CCDC141: variants seen among roughly 807,000 people sequenced by gnomAD.
The protein encoded by CCDC141 is coiled-coil domain containing 141, also known as coiled-coil domain-containing protein 141.
A neutral mutation model predicts 181.0 loss-of-function variants in CCDC141; 168 were observed. That is an observed-to-expected ratio of 0.93 (90% CI 0.82 to 1.05). CCDC141 has a LOEUF of 1.05. CCDC141 is among the 50% of genes least tolerant of loss of function. The probability of loss-of-function intolerance (pLI) is 0.00; values close to 1 mark genes in which losing one functional copy is unlikely to be tolerated. For missense variants in CCDC141, 1,902 were observed against 1,788.5 expected, an observed-to-expected ratio of 1.06 and a Z score of -1.14; for synonymous variants, 666 against 642.3, an observed-to-expected ratio of 1.04 and a Z score of -0.56.
At chr2:178,878,291 A>AT (rs201082309) in intron 11 of CCDC141, 148 bp from the exon 12 acceptor site, 3,856 of 223,228 alleles carry the variant, frequency 0.017, 69 homozygotes, top group Admixed American at 0.036. Context: ...TTATTTATTT[A>AT]TTTATTTATT....
chr2:179,018,246 T>G (rs940117780), intron 2 of CCDC141, among the ~76,000 whole-genome samples: 1 of 152,102 alleles, frequency 6.6e-6, no homozygotes, highest in Admixed American at 6.6e-5. Context: ...GTCCCCTGAA[T>G]AGCAATTTTC....
intron 5 of CCDC141, among the ~76,000 whole-genome samples, chr2:178,957,720 ATATT>A (rs1320695937): frequency 6.6e-6 from 1 of 152,118 alleles, no homozygotes; most frequent in Admixed American, 6.6e-5. Context: ...AGACAATGGG[ATATT>A]TATTTATTTA....
chr2:178,919,903 C>T (rs938601823), intron 6 of CCDC141, among the ~76,000 whole-genome samples: 9 of 152,202 alleles, frequency 5.9e-5, no homozygotes, highest in Admixed American at 5.9e-4. Flanking sequence ...CTCAAGGCTT[C>T]ACTCTTAATG....
intron 6 of CCDC141, among the ~76,000 whole-genome samples, chr2:178,933,801 C>T (rs1190310402): frequency 6.6e-6 from 1 of 152,048 alleles, no homozygotes; most frequent in Non-Finnish European, 1.5e-5. Context: ...ATGAGTGAAG[C>T]AAGGGTAAGA....
chr2:178,846,403 C>T (rs1047822327), intron 21 of CCDC141, among the ~76,000 whole-genome samples: 3 of 152,134 alleles, frequency 2.0e-5, no homozygotes, highest in African/African-American at 7.2e-5. Context: ...TGATAGAACA[C>T]ACCAGTTTAG....
At chr2:178,959,155 AG>A (rs71393450) in intron 5 of CCDC141, among the ~76,000 whole-genome samples, 4 of 137,214 alleles carry the variant, frequency 2.9e-5, no homozygotes, top group African/African-American at 8.0e-5. Flanking sequence ...GGGTGGGGGA[AG>A]GGGGGAGGGA....
chr2:178,985,934 A>G (rs1173559110), intron 2 of CCDC141, among the ~76,000 whole-genome samples: 1 of 152,210 alleles, frequency 6.6e-6, no homozygotes, highest in Non-Finnish European at 1.5e-5. Context: ...TCCAATCAAT[A>G]GAAAAAGAGG....
intron 2 of CCDC141, among the ~76,000 whole-genome samples, chr2:179,000,634 G>T (rs971185908): frequency 1.3e-5 from 2 of 152,106 alleles, no homozygotes; most frequent in African/African-American, 4.8e-5. Flanking sequence ...TTCCCCTGTT[G>T]TTAAATTTTA....
At chr2:178,884,341 T>C (rs1686773683) in intron 11 of CCDC141, among the ~76,000 whole-genome samples, 2 of 152,182 alleles carry the variant, frequency 1.3e-5, no homozygotes, top group Non-Finnish European at 2.9e-5. Flanking sequence ...CTGCTTTGCT[T>C]TTGTTTCCAA....
chr2:179,033,677 C>G (rs1042354640), intron 2 of CCDC141, among the ~76,000 whole-genome samples: 8 of 152,034 alleles, frequency 5.3e-5, no homozygotes. Context: ...AGACCTAGAA[C>G]CTTTTTGTCA....
intron 4 of CCDC141, among the ~76,000 whole-genome samples, chr2:178,973,585 G>A (rs1690993303): frequency 6.6e-6 from 1 of 152,106 alleles, no homozygotes; most frequent in South Asian, 2.1e-4. Flanking sequence ...GAACTTGAAG[G>A]AGCCAACAGC....
At chr2:178,834,508 A>ATG (rs1230781729) in intron 23 of CCDC141, 68 bp from the exon 24 acceptor site, 1 of 1,484,282 alleles carries the variant, frequency 6.7e-7, no homozygotes, top group African/African-American at 1.4e-5. Context: ...AGTTCTAATA[A>ATG]TGCTTGCAAA....
chr2:178,877,957 T>C lies in CCDC141; in HGVS notation c.1899+7A>G. 3 of 1,609,546 alleles carry C rather than the reference T, an allele frequency of 1.9e-6. No homozygotes were observed. Among genetic ancestry groups the C allele is most frequent in the Non-Finnish European group, 2.6e-6 (3 of 1,176,088 alleles). ...AGAAGGTGTGATCCATTTAATGCCA[T>C]TCTTACCATATTTATTAAATTAAGG... On this transcript the variant is annotated splice_region_variant and intron_variant, in intron 12 of 23. Coordinates refer to ENST00000443758, the MANE Select transcript of CCDC141 (RefSeq NM_173648.4).
chr2:178,836,668 T>A lies in CCDC141; in HGVS notation c.4325+226A>T, dbSNP rs112817097. On this transcript the variant is annotated intron_variant, in intron 23 of 23. Transcript: ENST00000443758. ...CAACCTACAGTGCTTTGGAAATTTG[T>A]TAAATTATTAGTACTTTATATGGTT... The A allele has an allele frequency of 2.2e-3, 983 of 439,884 alleles. 14 individuals are homozygous for A. Among genetic ancestry groups the A allele is most frequent in the African/African-American group, 0.017 (880 of 50,564 alleles). The allele number at this position is 439,884 out of a possible 1,614,324, so 27.2% of individuals were successfully genotyped here.
At chr2:179,036,680 T>C (rs952158880) in intron 2 of CCDC141, among the ~76,000 whole-genome samples, 4 of 152,212 alleles carry the variant, frequency 2.6e-5, no homozygotes, top group African/African-American at 9.7e-5. Context: ...AAAAGAGAAA[T>C]TAAAGCACTG....
chr2:179,017,516 G>T (rs576986532), intron 2 of CCDC141, among the ~76,000 whole-genome samples: 24 of 152,102 alleles, frequency 1.6e-4, no homozygotes, highest in African/African-American at 5.8e-4. Flanking sequence ...GAGTAATAAA[G>T]CTCTCTCTTC....
intron 14 of CCDC141, among the ~76,000 whole-genome samples, chr2:178,869,687 T>C (rs939120493): frequency 2.0e-5 from 3 of 152,166 alleles, no homozygotes; most frequent in African/African-American, 7.2e-5. Context: ...GGTGGTATGG[T>C]AAAAACACCA....
At chr2:178,978,098 C>A (rs1691204699) in intron 3 of CCDC141, among the ~76,000 whole-genome samples, 1 of 152,116 alleles carries the variant, frequency 6.6e-6, no homozygotes, top group African/African-American at 2.4e-5. Context: ...ATTTTATTCT[C>A]CAACTTTTAG....
At chr2:179,028,303 C>T (rs1391268025) in intron 2 of CCDC141, among the ~76,000 whole-genome samples, 3 of 152,208 alleles carry the variant, frequency 2.0e-5, no homozygotes, top group African/African-American at 7.2e-5. Flanking sequence ...TTCACTAACA[C>T]TCACACTATA....
Sources: allele counts gnomAD v4.1 joint callset (sites outside exome capture counted in the v4.1 genomes callset), GRCh38; gene constraint gnomAD v4.1.1; transcripts MANE v1.5; gene names NCBI Gene and HGNC (gene_info 2026-07-23, HGNC 2026-07-21).